Variants in CEP170B observed in about 807,000 individuals in gnomAD.
CEP170B encodes centrosomal protein 170B, also known as centrosomal protein of 170 kDa protein B.
In CEP170B, 55 loss-of-function variants were observed where a neutral mutation model predicts 120.6. The ratio of observed to expected loss-of-function variants is 0.46; its 90% CI spans 0.37 to 0.57. CEP170B has a LOEUF of 0.57. Ranked by LOEUF, CEP170B falls within the 20% of genes least tolerant of loss-of-function variation. The pLI, the probability that CEP170B is intolerant of heterozygous loss-of-function variation, is 0.00. For synonymous variants in CEP170B, 1,033 were observed against 954.5 expected (o/e 1.08, Z -1.52); for missense variants, 2,212 against 2,253.3 (o/e 0.98, Z 0.37).
At chr14:104,869,379 T>C (rs1180007937) in intron 2 of CEP170B, among the ~76,000 whole-genome samples, 1 of 152,176 alleles carries the variant, frequency 6.6e-6, no homozygotes, top group African/African-American at 2.4e-5. Flanking sequence ...ACTCAGACGT[T>C]GCCTCCTGGA....
At position 104,883,879 on chromosome 14, in the gene CEP170B, C is replaced by G; in HGVS notation, c.1100C>G (p.Ala367Gly). Residue 367 changes from alanine to glycine, a missense_variant, in exon 9 of 19, where the codon GCC becomes GGC. Ala to Gly is a moderately conservative substitution (Grantham distance 60). Transcript: ENST00000414716. ...GTQSDSEDPL[A>G]KAASAAGVPL... ...CAGAGTGACTCAGAGGACCCCCTGG[C>G]CAAGGCGGCCTCGGCCGCTGGGGTG... 6.3e-7 allele frequency: 1 copy of G among 1,578,710 alleles called. No homozygotes were observed. The highest frequency in any genetic ancestry group is 1.2e-5 in the South Asian group (1 of 86,664).
rs1343642241 is a variant in CEP170B at position 104,887,985 on chromosome 14, G to A, written c.3739+7G>A. 1 of 1,479,430 alleles carries A rather than the reference G, an allele frequency of 6.8e-7. No homozygotes were observed. The highest frequency in any genetic ancestry group is 1.4e-5 in the African/African-American group (1 of 72,180). The allele number at this position is 1,479,430 out of a possible 1,614,324, so 91.6% of individuals were successfully genotyped here. On this transcript the variant is annotated splice_region_variant and intron_variant, in intron 12 of 18. Coordinates refer to ENST00000414716, the MANE Select transcript of CEP170B (RefSeq NM_001112726.3). ...AGTGCCCGATACACCTCCAGTGAGT[G>A]CCAGGGCGGGTGGGAGGCCAGGGCC...
rs1296735636 is a variant in CEP170B at position 104,880,322 on chromosome 14, G to A, written c.369G>A (p.Val123=). The A allele has an allele frequency of 6.2e-7, 1 of 1,609,614 alleles. No homozygotes were observed. The highest frequency in any genetic ancestry group is 8.5e-7 in the Non-Finnish European group (1 of 1,178,394). ...EKYTSQLQVS[V]KGLAPKRSEA... is the part of the protein sequence containing the mutation. The stretch of plus-strand genomic sequence containing the variant: ...ACACCAGCCAGCTGCAGGTGAGCGT[G>A]AAGGGTTTGGCGCCCAAGAGGAGCG... Residue 123 remains valine, a synonymous_variant, in exon 6 of 19, where the codon GTG becomes GTA. Coordinates refer to ENST00000414716, the MANE Select transcript of CEP170B (RefSeq NM_001112726.3).
chr14:104,880,641 C>T (rs1896098288), intron 6 of CEP170B, among the ~76,000 whole-genome samples: 1 of 151,330 alleles, frequency 6.6e-6, no homozygotes, highest in South Asian at 2.1e-4. Flanking sequence ...CCATTGCACA[C>T]ACCTACCCGT....
intron 6 of CEP170B, among the ~76,000 whole-genome samples, chr14:104,882,253 A>AG (rs1266876565): frequency 1.3e-5 from 2 of 152,196 alleles, no homozygotes; most frequent in Non-Finnish European, 2.9e-5. Context: ...GCCCACCCCC[A>AG]GGGCCACCCA....
chr14:104,879,792 C>T (rs1055266800), intron 5 of CEP170B, among the ~76,000 whole-genome samples: 5 of 152,146 alleles, frequency 3.3e-5, no homozygotes, highest in African/African-American at 7.2e-5. Flanking sequence ...TAGGTGGGAA[C>T]GGCATCTCCT....
chr14:104,884,213 C>G lies in CEP170B; in HGVS notation c.1434C>G (p.Ser478Arg). The G allele has an allele frequency of 6.5e-7, 1 of 1,542,936 alleles. No individual in the cohort carries two copies. Among genetic ancestry groups the G allele is most frequent in the Non-Finnish European group, 8.7e-7 (1 of 1,147,176 alleles). ...KREKTEERLG[S>R]PSPASRTPAR... ...AGAAGACAGAGGAACGGCTGGGCAGCCCCTCGCCCGCCTCCCGAACCCCTG... is the reference window on the plus strand; with the variant it reads ...AGAAGACAGAGGAACGGCTGGGCAGGCCCTCGCCCGCCTCCCGAACCCCTG... The change falls in exon 9 of 19, where the codon AGC (serine) becomes AGG (arginine). Residue 478 changes from serine (S) to arginine (R), a missense_variant. Ser to Arg is a moderately radical substitution (Grantham distance 110). Coordinates refer to ENST00000414716, the MANE Select transcript of CEP170B (RefSeq NM_001112726.3).
rs1438800712 is a variant in CEP170B at position 104,896,630 on chromosome 14, G to A, written c.*1672G>A. 6 of 456,078 alleles carry A rather than the reference G, an allele frequency of 1.3e-5. No homozygotes were observed. The highest frequency in any genetic ancestry group is 8.0e-5 in the African/African-American group (4 of 50,014). The allele number at this position is 456,078 out of a possible 1,614,324, so 28.3% of individuals were successfully genotyped here. A position where few individuals can be genotyped will look rare whatever the true frequency, so the allele number is the denominator to read the frequency against. ...CTGGTCCTTGTTTGCCGGGCTTCTCGGAGGGTTCACTGTACATTCGTTCTC... is the reference window on the plus strand; with the variant it reads ...CTGGTCCTTGTTTGCCGGGCTTCTCAGAGGGTTCACTGTACATTCGTTCTC... On this transcript the variant is annotated 3_prime_UTR_variant, in exon 19 of 19. Transcript: ENST00000414716.
Position 104,868,442 on chromosome 14 carries a change from A to G in CEP170B, c.-9A>G. 1 of 1,548,112 alleles carries G rather than the reference A, an allele frequency of 6.5e-7. No individual in the cohort carries two copies. ...TCCCCAGGGCCAGACGGGCCCAGCC[A>G]GCACCAAGATGAGTGCCACGTCCTG... On this transcript the variant is annotated 5_prime_UTR_variant, in exon 2 of 19. Transcript: ENST00000414716. This position sits in a 1 kb window ranked among gnomAD's most constrained non-coding sequence, Gnocchi z 5.9.
rs1466057879 is a variant in CEP170B at position 104,868,122 on chromosome 14, C to T, written c.-27-302C>T. 6.6e-6 allele frequency among the ~76,000 whole-genome samples: 1 copy of T among 152,158 alleles called. No individual in the cohort carries two copies. On this transcript the variant is annotated intron_variant, in intron 1 of 18. Transcript: ENST00000414716. The surrounding 1 kb of genome is among the most constrained non-coding windows in gnomAD (Gnocchi z 5.9). ...CAGCCAGTGTCCCCATGAACTTCAA[C>T]CCCTGACACCTGGAAGATAGAGGAG...
chr14:104,882,461 G>T (rs1317421938), intron 6 of CEP170B, among the ~76,000 whole-genome samples: 2 of 149,042 alleles, frequency 1.3e-5, no homozygotes, highest in African/African-American at 5.0e-5. Context: ...GAGGGGCCAG[G>T]CAGGGAGGAG....
rs1310554999 is a variant in CEP170B, at chr14:104,895,476, T to A, written c.*518T>A. The A allele has an allele frequency of 3.9e-5, 6 of 152,954 alleles. No homozygotes were observed. Among genetic ancestry groups the A allele is most frequent in the Non-Finnish European group, 8.8e-5 (6 of 68,304 alleles). The allele number at this position is 152,954 out of a possible 1,614,324, so 9.5% of individuals were successfully genotyped here. A position where few individuals can be genotyped will look rare whatever the true frequency, so the allele number is the denominator to read the frequency against. On this transcript the variant is annotated 3_prime_UTR_variant, in exon 19 of 19. Transcript: ENST00000414716. ...CACCTGTTCCTGGGACTGTCTGAGA[T>A]GGCAGGGCACTTGCCCTGGTGGCTC...
chr14:104,877,843 C>T lies in CEP170B; in HGVS notation c.196-42C>T, dbSNP rs773031806. ...GCGGCCCTGCCCACAGCCACCCACC[C>T]GCGCAGCTCCCCCCCCCCCCCCGCC... On this transcript the variant is annotated intron_variant, in intron 3 of 18. Coordinates refer to ENST00000414716, the MANE Select transcript of CEP170B (RefSeq NM_001112726.3). The T allele has an allele frequency of 1.1e-4, 58 of 530,954 alleles. 1 individual carries two copies. Among genetic ancestry groups the T allele is most frequent in the Middle Eastern group, 8.1e-4 (2 of 2,482 alleles). 32.9% of individuals were successfully genotyped at this position (530,954 alleles called of 1,614,324 possible).
In CEP170B at chr14:104,895,120, T is replaced by G; in HGVS notation, c.*162T>G. 1 of 762,308 alleles carries G rather than the reference T, an allele frequency of 1.3e-6. No homozygotes were observed. The allele number at this position is 762,308 out of a possible 1,614,324, so 47.2% of individuals were successfully genotyped here. A position where few individuals can be genotyped will look rare whatever the true frequency, so the allele number is the denominator to read the frequency against. ...CCCACGCCCTTGCCCCCTCGTCAGC[T>G]CCCAGCCAGCACCCTACTCACCCTG... On this transcript the variant is annotated 3_prime_UTR_variant, in exon 19 of 19. Transcript: ENST00000414716.
At chr14:104,872,463 G>GGTGTGCCGTGTGTGTGCGT (rs1595312879) in intron 2 of CEP170B, among the ~76,000 whole-genome samples, 1 of 73,894 alleles carries the variant, frequency 1.4e-5, no homozygotes. Context: ...TGTGCGTGTG[G>GGTGTGCCGTGTGTGTGCGT]GTGTGCCGTG....
Position 104,889,677 on chromosome 14 carries a change from C to G in CEP170B, c.3797C>G (p.Pro1266Arg). 6.2e-7 allele frequency: 1 copy of G among 1,612,206 alleles called. No homozygotes were observed. Among genetic ancestry groups the G allele is most frequent in the Non-Finnish European group, 8.5e-7 (1 of 1,179,726 alleles). The change falls in exon 13 of 19, where the codon CCC (proline) becomes CGC (arginine). Residue 1266 changes from proline to arginine, a missense_variant. By Grantham distance (103) the Pro-to-Arg change is moderately radical. Transcript: ENST00000414716. The part of the protein sequence containing the change: ...SSRARSRAPG[P>R]RDTDDDEEEP... ...CGGGCTCGTTCCCGGGCCCCCGGCC[C>G]CCGGGACACGGACGACGATGAGGAG...
chr14:104,887,645 G>T lies in CEP170B; in HGVS notation c.3406G>T (p.Asp1136Tyr). The part of the protein sequence containing the change: ...LRRARLGDAS[D>Y]TEAADGERGS... The stretch of plus-strand genomic sequence containing the variant: ...GCGGGCCCGGCTGGGGGACGCTTCA[G>T]ACACTGAGGCTGCGGATGGTGAGCG... The change falls in exon 12 of 19, where the codon GAC (aspartate) becomes TAC (tyrosine). Residue 1136 changes from aspartate (D) to tyrosine (Y), a missense_variant. This residue lies in a region of CEP170B where 2,166 missense variants were observed against 2,166.7 expected (regional missense o/e 1.00). Coordinates refer to ENST00000414716, the MANE Select transcript of CEP170B (RefSeq NM_001112726.3). 6.4e-7 allele frequency: 1 copy of T among 1,562,432 alleles called. No individual in the cohort carries two copies. The highest frequency in any genetic ancestry group is 2.4e-5 in the East Asian group (1 of 42,064).
chr14:104,879,577 C>T (rs918412313), intron 5 of CEP170B, among the ~76,000 whole-genome samples: 6 of 152,148 alleles, frequency 3.9e-5, no homozygotes, highest in East Asian at 3.9e-4. Context: ...CCGCCCTGGC[C>T]GGGTGCCCTC....
chr14:104,882,746 C>T lies in CEP170B; in HGVS notation c.491C>T (p.Thr164Ile). ...TCCACAGAGGCAGCCTCTTACCGCA[C>T]ACCCCTGTATGGGCAGCCCTCCTGG... ...RPGTEAASYR[T>I]PLYGQPSWWG... Residue 164 changes from threonine to isoleucine, a missense_variant, in exon 7 of 19, where the codon ACA becomes ATA. Around this residue, in one of 2 missense-constraint regions of CEP170B, gnomAD observed 2,166 missense variants for 2,166.7 expected, o/e 1.00. Coordinates refer to ENST00000414716, the MANE Select transcript of CEP170B (RefSeq NM_001112726.3). The T allele has an allele frequency of 6.2e-7, 1 of 1,612,060 alleles. No individual in the cohort carries two copies.
Sources: allele counts gnomAD v4.1 joint callset (sites outside exome capture counted in the v4.1 genomes callset), GRCh38; gene constraint gnomAD v4.1.1; regional missense constraint gnomAD v4.1.1; non-coding constraint Gnocchi (gnomAD v3.1); transcripts MANE v1.5; gene names NCBI Gene and HGNC (gene_info 2026-07-23, HGNC 2026-07-21).